Variants in PANK3 observed in about 807,000 individuals in gnomAD.
PANK3 encodes pantothenate kinase 3.
In PANK3, 20 loss-of-function variants were observed where a neutral mutation model predicts 39.4. The ratio of observed to expected loss-of-function variants is 0.51; its 90% confidence interval spans 0.36 to 0.74. The LOEUF is 0.74. Among genes scored for constraint, PANK3 ranks in the 30% least tolerant of loss-of-function variants. PANK3 has a pLI of 0.00. For missense variants in PANK3, 265 were observed against 437.0 expected (o/e 0.61, Z 3.51); for synonymous variants, 140 against 157.3 (o/e 0.89, Z 0.82).
At position 168,554,625 on chromosome 5, in the gene PANK3, A is replaced by T. The variant is rs1202434697; in HGVS notation, c.*2946T>A. 4 of 152,224 alleles carry T rather than the reference A, an allele frequency of 2.6e-5. No individual in the cohort carries two copies. Among genetic ancestry groups the T allele is most frequent in the Non-Finnish European group, 5.9e-5 (4 of 68,030 alleles). 9.4% of individuals were successfully genotyped at this position (152,224 alleles called of 1,614,324 possible). A position where few individuals can be genotyped will look rare whatever the true frequency, so the allele number is the denominator to read the frequency against. ...CTGTTTGAAACTCTGAATTCATGTCAGTCAGTAGCCATTTTAAAACCCTAC... is the reference window on the plus strand; with the variant it reads ...CTGTTTGAAACTCTGAATTCATGTCTGTCAGTAGCCATTTTAAAACCCTAC... On this transcript the variant is annotated 3_prime_UTR_variant, in exon 7 of 7. Coordinates refer to ENST00000239231, the MANE Select transcript of PANK3 (RefSeq NM_024594.4).
chr5:168,573,663 C>A, intron 1 of PANK3, among the ~76,000 whole-genome samples: 1 of 108,926 alleles, frequency 9.2e-6, no homozygotes, highest in Non-Finnish European at 1.8e-5. Context: ...GCTATCCCTC[C>A]CCCCTCCCCC....
At position 168,557,317 on chromosome 5, in the gene PANK3, C is replaced by A. The variant is rs1208498210; in HGVS notation, c.*254G>T. On this transcript the variant is annotated 3_prime_UTR_variant, in exon 7 of 7. Transcript: ENST00000239231. ...TGTTGGCTACATAAAATAAAAAAAT[C>A]TTTTTAAGAGGAAGCTCAATAATCA... The A allele has an allele frequency of 3.3e-5, 11 of 331,920 alleles. No individual in the cohort carries two copies. Among genetic ancestry groups the A allele is most frequent in the East Asian group, 5.9e-5 (1 of 16,856 alleles). 20.6% of individuals were successfully genotyped at this position (331,920 alleles called of 1,614,324 possible).
Position 168,557,303 on chromosome 5 carries a change from T to C in PANK3, c.*268A>G, listed in dbSNP as rs1206503197. ...ATACAGTACTGCAATGTTGGCTACA[T>C]AAAATAAAAAAATCTTTTTAAGAGG... On this transcript the variant is annotated 3_prime_UTR_variant, in exon 7 of 7. Coordinates refer to ENST00000239231, the MANE Select transcript of PANK3 (RefSeq NM_024594.4). 8.8e-6 allele frequency: 3 copies of C among 341,916 alleles called. No individual in the cohort carries two copies. Among genetic ancestry groups the C allele is most frequent in the African/African-American group, 6.4e-5 (3 of 46,928 alleles). The allele number at this position is 341,916 out of a possible 1,614,324, so 21.2% of individuals were successfully genotyped here.
chr5:168,558,171 T>C (rs542181852), intron 6 of PANK3, among the ~76,000 whole-genome samples: 233 of 151,272 alleles, frequency 1.5e-3, no homozygotes, highest in Non-Finnish European at 2.8e-3. Flanking sequence ...TTTTTTTTTT[T>C]TTAGACAGTC....
At chr5:168,565,279 T>TA (rs1759506011) in intron 3 of PANK3, among the ~76,000 whole-genome samples, 1 of 152,190 alleles carries the variant, frequency 6.6e-6, no homozygotes, top group Admixed American at 6.5e-5. Flanking sequence ...TAAAAGTTGA[T>TA]AAAATACATA....
In PANK3 at chr5:168,557,388, G is replaced by C. The variant is rs2113103445; in HGVS notation, c.*183C>G. On this transcript the variant is annotated 3_prime_UTR_variant, in exon 7 of 7. Coordinates refer to ENST00000239231, the MANE Select transcript of PANK3 (RefSeq NM_024594.4). ...GATTTAACACTGGCTATATACAAAA[G>C]GGAAAGCATTTCAATGAGAAATACT... 3 of 590,918 alleles carry C rather than the reference G, an allele frequency of 5.1e-6. No individual in the cohort carries two copies. In the South Asian group the frequency reaches 6.5e-5, roughly 13 times the overall value. The allele number at this position is 590,918 out of a possible 1,614,324, so 36.6% of individuals were successfully genotyped here. A position where few individuals can be genotyped will look rare whatever the true frequency, so the allele number is the denominator to read the frequency against.
rs1016930101 is a variant in PANK3, at chr5:168,551,862, G to A, written c.*5709C>T. Reference sequence around the variant, plus strand: ...GCTTTCAATTACCATGTATATTACTGGCAATAGTACTGACTTTACCCAAAC... The same window carrying A: ...GCTTTCAATTACCATGTATATTACTAGCAATAGTACTGACTTTACCCAAAC... On this transcript the variant is annotated 3_prime_UTR_variant, in exon 7 of 7. Coordinates refer to ENST00000239231, the MANE Select transcript of PANK3 (RefSeq NM_024594.4). 3 of 152,092 alleles carry A rather than the reference G, an allele frequency of 2.0e-5. No homozygotes were observed. Among genetic ancestry groups the A allele is most frequent in the East Asian group, 3.9e-4 (2 of 5,192 alleles). The allele number at this position is 152,092 out of a possible 1,614,324, so 9.4% of individuals were successfully genotyped here. A position where few individuals can be genotyped will look rare whatever the true frequency, so the allele number is the denominator to read the frequency against.
At position 168,551,754 on chromosome 5, in the gene PANK3, G is replaced by A. The variant is rs1396744546; in HGVS notation, c.*5817C>T. 1 of 151,990 alleles carries A rather than the reference G, an allele frequency of 6.6e-6. No individual in the cohort carries two copies. The highest frequency in any genetic ancestry group is 1.5e-5 in the Non-Finnish European group (1 of 68,010). 9.4% of individuals were successfully genotyped at this position (151,990 alleles called of 1,614,324 possible). A position where few individuals can be genotyped will look rare whatever the true frequency, so the allele number is the denominator to read the frequency against. On this transcript the variant is annotated 3_prime_UTR_variant, in exon 7 of 7. Transcript: ENST00000239231. ...GGTATTTACATTATAGCAATCACAT[G>A]TACACTCAAAGGTAAAAGAAAAAAA...
At position 168,579,290 on chromosome 5, in the gene PANK3, G is replaced by A. The variant is rs372466411; in HGVS notation, c.-7C>T. ...TGGCATCTTTGATCTTCATGGCGTC[G>A]GCCCGAGGGGCGATGGACGGCCTCC... On this transcript the variant is annotated 5_prime_UTR_variant, in exon 1 of 7. Transcript: ENST00000239231. 5 of 1,486,210 alleles carry A rather than the reference G, an allele frequency of 3.4e-6. No homozygotes were observed. The African/African-American group carries it at 5.8e-5, about 17-fold the overall frequency. The allele number at this position is 1,486,210 out of a possible 1,614,324, so 92.1% of individuals were successfully genotyped here.
intron 4 of PANK3, among the ~76,000 whole-genome samples, chr5:168,562,518 C>A (rs1759463524): frequency 6.6e-6 from 1 of 152,150 alleles, no homozygotes; most frequent in African/African-American, 2.4e-5. Context: ...TCAAAGGGCA[C>A]TGGATTCCCT....
chr5:168,579,212 C>T lies in PANK3; in HGVS notation c.28+44G>A, dbSNP rs748396961. On this transcript the variant is annotated intron_variant, in intron 1 of 6. Transcript: ENST00000239231. ...AGCCAAGGGGCTTTCAGACGGGGCCCAAGGGTGCCCTCCCAACCTGGCGGG... is the reference window on the plus strand; with the variant it reads ...AGCCAAGGGGCTTTCAGACGGGGCCTAAGGGTGCCCTCCCAACCTGGCGGG... 6 of 1,476,592 alleles carry T rather than the reference C, an allele frequency of 4.1e-6. No homozygotes were observed. In the East Asian group the frequency reaches 1.6e-4, roughly 41 times the overall value. The allele number at this position is 1,476,592 out of a possible 1,614,324, so 91.5% of individuals were successfully genotyped here. A position where few individuals can be genotyped will look rare whatever the true frequency, so the allele number is the denominator to read the frequency against.
At chr5:168,567,718 G>T (rs1398786213) in intron 2 of PANK3, among the ~76,000 whole-genome samples, 5 of 152,072 alleles carry the variant, frequency 3.3e-5, no homozygotes, top group African/African-American at 1.2e-4. Context: ...AAGAGCTCAA[G>T]CAATCCTCCC....
chr5:168,567,115 T>C (rs566035272), intron 2 of PANK3, among the ~76,000 whole-genome samples: 1 of 152,328 alleles, frequency 6.6e-6, no homozygotes, highest in Admixed American at 6.5e-5. Context: ...AAATTGTACT[T>C]CTTACTGTTT....
At chr5:168,567,013 G>T (rs1759546263) in intron 2 of PANK3, among the ~76,000 whole-genome samples, 1 of 152,176 alleles carries the variant, frequency 6.6e-6, no homozygotes, top group African/African-American at 2.4e-5. Context: ...CAAAGTGCTG[G>T]AATTACAGGC....
intron 1 of PANK3, among the ~76,000 whole-genome samples, chr5:168,574,704 T>C (rs532702210): frequency 6.6e-6 from 1 of 152,064 alleles, no homozygotes; most frequent in South Asian, 2.1e-4. Context: ...CTACCAGAAA[T>C]ACAAAAATTA....
In PANK3 at chr5:168,559,175, A is replaced by G; in HGVS notation, c.937-18T>C. 1.4e-6 allele frequency: 2 copies of G among 1,434,190 alleles called. No individual in the cohort carries two copies. The highest frequency in any genetic ancestry group is 1.4e-5 in the South Asian group (1 of 73,688). 88.8% of individuals were successfully genotyped at this position (1,434,190 alleles called of 1,614,324 possible). On this transcript the variant is annotated intron_variant, in intron 5 of 6. Coordinates refer to ENST00000239231, the MANE Select transcript of PANK3 (RefSeq NM_024594.4). ...TTTATTTTCTAAAAGAAAAGAACAA[A>G]GAAAAAACTTGTAAAAATAATAGAT...
chr5:168,577,019 T>G (rs1759742574), intron 1 of PANK3, among the ~76,000 whole-genome samples: 2 of 152,054 alleles, frequency 1.3e-5, no homozygotes, highest in South Asian at 4.2e-4. Flanking sequence ...CAGCTTGGAC[T>G]ACAGGCGCGT....
In PANK3 at chr5:168,553,499, T is replaced by C. The variant is rs560247478; in HGVS notation, c.*4072A>G. The C allele has an allele frequency of 1.4e-3, 505 of 355,546 alleles. 5 individuals are homozygous for C. Among genetic ancestry groups the C allele is most frequent in the Non-Finnish European group, 1.0e-3 (187 of 179,504 alleles). The allele number at this position is 355,546 out of a possible 1,614,324, so 22.0% of individuals were successfully genotyped here. On this transcript the variant is annotated 3_prime_UTR_variant, in exon 7 of 7. Coordinates refer to ENST00000239231, the MANE Select transcript of PANK3 (RefSeq NM_024594.4). ...CAGAAAGGAGCCAATCATATCACCA[T>C]TGGGGAAGATGGCCACAGACAAGGG... is the stretch of plus-strand genomic sequence containing the variant.
intron 1 of PANK3, among the ~76,000 whole-genome samples, chr5:168,571,123 C>T (rs1017520956): frequency 1.3e-5 from 2 of 152,148 alleles, no homozygotes; most frequent in African/African-American, 4.8e-5. Flanking sequence ...TGGCTTTGGT[C>T]ACCTGATTCC....
Sources: gnomAD v4.1 joint callset for allele counts (sites outside exome capture counted in the v4.1 genomes callset) on GRCh38, gnomAD v4.1.1 for gene constraint, MANE v1.5 for transcripts, NCBI Gene and HGNC (gene_info 2026-07-23, HGNC 2026-07-21) for gene names.